PCDHGB2: variants seen among roughly 807,000 people sequenced by gnomAD.
The protein encoded by PCDHGB2 is protocadherin gamma subfamily B, 2, also known as protocadherin gamma-B2.
In PCDHGB2, 55 loss-of-function variants were observed where a neutral mutation model predicts 59.3. The observed-to-expected ratio is 0.93, with a 90% CI of 0.75 to 1.16. The LOEUF (loss-of-function observed/expected upper bound fraction) is 1.16. Among genes scored for constraint, PCDHGB2 ranks in the 50% most tolerant of loss-of-function variants. The pLI is 0.00. For synonymous variants in PCDHGB2, 516 were observed against 512.0 expected (o/e 1.01, Z -0.11); for missense variants, 1,228 against 1,198.5 (o/e 1.02, Z -0.36).
chr5:141,384,708 G>A (rs1222018997), intron 1 of PCDHGB2: 3 of 1,613,998 alleles, frequency 1.9e-6, no homozygotes, highest in Non-Finnish European at 2.5e-6. Flanking sequence ...AGAACGCCTG[G>A]CTGTCATACC....
At chr5:141,419,548 G>C in intron 1 of PCDHGB2, 1 of 1,611,976 alleles carries the variant, frequency 6.2e-7, no homozygotes, top group Non-Finnish European at 8.5e-7. Context: ...CGCGGGTGCT[G>C]TACCCTGCGC....
rs55729045 is a variant in PCDHGB2 at position 141,395,542 on chromosome 5, TTGTGTGTGTGTGTG to T, written c.2421+33022_2421+33035del. ...TCCATACTGGTAATTTTGCTATTGT[TTGTGTGTGTGTGTG>T]TGTGTGTGTGTGTGTGTGTGTGTGT... On this transcript the variant is annotated intron_variant, in intron 1 of 3. Transcript: ENST00000522605. The T allele has an allele frequency of 6.1e-4, 106 of 172,624 alleles. 1 individual carries two copies. Among genetic ancestry groups the T allele is most frequent in the South Asian group, 8.7e-4 (10 of 11,526 alleles). The allele number at this position is 172,624 out of a possible 1,614,324, so 10.7% of individuals were successfully genotyped here.
At chr5:141,463,296 C>T (rs1194250577) in intron 1 of PCDHGB2, among the ~76,000 whole-genome samples, 1 of 151,986 alleles carries the variant, frequency 6.6e-6, no homozygotes, top group African/African-American at 2.4e-5. Flanking sequence ...CTCCTAATCT[C>T]CCCAAACTCT....
At chr5:141,505,650 T>C (rs1595974645) in intron 3 of PCDHGB2, among the ~76,000 whole-genome samples, 169 bp downstream of exon 3, 1 of 152,094 alleles carries the variant, frequency 6.6e-6, no homozygotes, top group East Asian at 1.9e-4. Flanking sequence ...GAATTGTGGC[T>C]AAGGAACAGC....
intron 1 of PCDHGB2, chr5:141,398,523 A>T (rs988295276): frequency 6.2e-7 from 1 of 1,613,602 alleles, no homozygotes; most frequent in Non-Finnish European, 8.5e-7. Context: ...ACACGCCAAA[A>T]TTCACGCAAA....
Position 141,372,197 on chromosome 5 carries a change from C to T in PCDHGB2, c.2421+9641C>T, listed in dbSNP as rs57763341. 308 of 1,613,590 alleles carry T rather than the reference C, an allele frequency of 1.9e-4. No individual in the cohort carries two copies. The East Asian group carries it at 3.9e-3, about 20-fold the overall frequency. On this transcript the variant is annotated intron_variant, in intron 1 of 3. Transcript: ENST00000522605. ...CGGTGGACGCAGACTCGGGATACAA[C>T]GCCTGGCTGTCCTACCACATTGTGC... is the stretch of plus-strand genomic sequence containing the variant.
intron 1 of PCDHGB2, among the ~76,000 whole-genome samples, chr5:141,425,997 A>T (rs1365887915): frequency 6.6e-6 from 1 of 152,174 alleles, no homozygotes; most frequent in African/African-American, 2.4e-5. Context: ...GAATTAGCAA[A>T]GGCTTCCGGC....
intron 1 of PCDHGB2, among the ~76,000 whole-genome samples, chr5:141,466,292 T>C (rs1050311680): frequency 3.3e-5 from 5 of 152,134 alleles, no homozygotes; most frequent in Non-Finnish European, 5.9e-5. Context: ...CACCTCAGGC[T>C]CCCAAGTAGC....
chr5:141,413,218 A>C, intron 1 of PCDHGB2: 1 of 1,613,610 alleles, frequency 6.2e-7, no homozygotes, highest in Non-Finnish European at 8.5e-7. Context: ...AAAGGATTGC[A>C]GCGGGCTGGT....
Position 141,432,248 on chromosome 5 carries a change from C to T in PCDHGB2, c.2422-62559C>T. Reference sequence around the variant, plus strand: ...TTATTCCCTGGCTGAGAACACCATCCAAGGGGCAAGCCTATCGTCCTACGT... The same window carrying T: ...TTATTCCCTGGCTGAGAACACCATCTAAGGGGCAAGCCTATCGTCCTACGT... On this transcript the variant is annotated intron_variant, in intron 1 of 3. Transcript: ENST00000522605. This position sits in a 1 kb window ranked among gnomAD's most constrained non-coding sequence, Gnocchi z 6.0. 1.2e-6 allele frequency: 2 copies of T among 1,614,244 alleles called. No individual in the cohort carries two copies. Among genetic ancestry groups the T allele is most frequent in the South Asian group, 1.1e-5 (1 of 91,090 alleles).
rs1392644737 is a variant in PCDHGB2 at position 141,361,498 on chromosome 5, A to G, written c.1363A>G (p.Thr455Ala). ...VNDNAPVFQQ[T>A]SYMVHVAENN... ...CGATAATGCCCCAGTTTTCCAACAG[A>G]CTTCCTACATGGTTCACGTGGCAGA... The change falls in exon 1 of 4, where the codon ACT (threonine) becomes GCT (alanine). Residue 455 changes from threonine (T) to alanine (A), a missense_variant. By Grantham distance (58) the Thr-to-Ala change is moderately conservative. Around this residue, in one of 3 missense-constraint regions of PCDHGB2, gnomAD observed 781 missense variants for 721.6 expected, o/e 1.08. Coordinates refer to ENST00000522605, the MANE Select transcript of PCDHGB2 (RefSeq NM_018923.3). 2 of 1,613,948 alleles carry G rather than the reference A, an allele frequency of 1.2e-6. No individual in the cohort carries two copies. Among genetic ancestry groups the G allele is most frequent in the Admixed American group, 1.7e-5 (1 of 60,030 alleles).
rs1459105534 is a variant in PCDHGB2 at position 141,366,603 on chromosome 5, C to T, written c.2421+4047C>T. 5 of 1,614,108 alleles carry T rather than the reference C, an allele frequency of 3.1e-6. No homozygotes were observed. The Admixed American group carries it at 8.3e-5, about 27-fold the overall frequency. ...CTGCAGACCTATTCCCACGAGGTCT[C>T]CCTCACCGCGGACTCGAGGAAGAGT... is the stretch of plus-strand genomic sequence containing the variant. On this transcript the variant is annotated intron_variant, in intron 1 of 3. Transcript: ENST00000522605.
rs1385496143 is a variant in PCDHGB2, at chr5:141,361,418, G to A, written c.1283G>A (p.Gly428Asp). The change falls in exon 1 of 4, where the codon GGC becomes GAC. Residue 428 changes from glycine (G) to aspartate (D), a missense_variant. Physicochemically the swap from Gly to Asp is moderately conservative, Grantham distance 94. Around this residue, in one of 3 missense-constraint regions of PCDHGB2, gnomAD observed 781 missense variants for 721.6 expected, o/e 1.08. Coordinates refer to ENST00000522605, the MANE Select transcript of PCDHGB2 (RefSeq NM_018923.3). ...YNLTITATDG[G>D]KPPLSSSIIV... ...CTCACCATCACAGCCACCGACGGGG[G>A]CAAGCCGCCCCTCTCCTCCAGCATA... The A allele has an allele frequency of 3.7e-6, 6 of 1,614,036 alleles. No individual in the cohort carries two copies. Among genetic ancestry groups the A allele is most frequent in the Non-Finnish European group, 5.1e-6 (6 of 1,179,900 alleles).
chr5:141,405,187 GGTTCGAGCTT>G (rs2094622612), intron 1 of PCDHGB2: 1 of 1,613,360 alleles, frequency 6.2e-7, no homozygotes, highest in African/African-American at 1.3e-5. Context: ...GTGTAGATGG[GGTTCGAGCTT>G]TCCTACAGAC....
Position 141,361,163 on chromosome 5 carries a change from G to A in PCDHGB2, c.1028G>A (p.Cys343Tyr), listed in dbSNP as rs1176062621. The change falls in exon 1 of 4, where the codon TGT becomes TAT. Residue 343 changes from cysteine (C) to tyrosine (Y), a missense_variant. Cys to Tyr is a radical substitution (Grantham distance 194, BLOSUM62 -2). This residue lies in a region of PCDHGB2 where 781 missense variants were observed against 721.6 expected (regional missense o/e 1.08). Transcript: ENST00000522605. ...IQVEILDDND[C>Y]APEVIVTSVS... ...GTTGAAATTCTTGATGACAACGATT[G>A]TGCACCTGAAGTTATTGTGACTTCA... 1.2e-6 allele frequency: 2 copies of A among 1,613,940 alleles called. No homozygotes were observed. Among genetic ancestry groups the A allele is most frequent in the Middle Eastern group, 1.6e-4 (1 of 6,062 alleles).
intron 1 of PCDHGB2, chr5:141,415,377 C>T (rs774655293): frequency 1.2e-6 from 2 of 1,614,118 alleles, no homozygotes; most frequent in African/African-American, 2.7e-5. Flanking sequence ...CTTCAGGAGG[C>T]GGCTTGACAG....
At chr5:141,443,442 C>T (rs571341362) in intron 1 of PCDHGB2, among the ~76,000 whole-genome samples, 9 of 152,202 alleles carry the variant, frequency 5.9e-5, no homozygotes, top group East Asian at 1.9e-4. Context: ...GCTGTGGTTG[C>T]GCTCCTGTAC....
In PCDHGB2 at chr5:141,511,070, G is replaced by A. The variant is rs1341623011; in HGVS notation, c.2693G>A (p.Gly898Asp). ...PDYRQNVYIP[G>D]SNATLTNAAG... ...TACCGCCAGAATGTCTACATCCCAG[G>A]CAGCAATGCCACACTGACCAACGCA... The change falls in exon 4 of 4, where the codon GGC (glycine) becomes GAC (aspartate). Residue 898 changes from glycine to aspartate, a missense_variant. Physicochemically the swap from Gly to Asp is moderately conservative, Grantham distance 94 (BLOSUM62 -1). Transcript: ENST00000522605. 2.5e-6 allele frequency: 4 copies of A among 1,614,218 alleles called. No homozygotes were observed. Among genetic ancestry groups the A allele is most frequent in the Admixed American group, 1.7e-5 (1 of 60,030 alleles).
intron 1 of PCDHGB2, chr5:141,408,084 G>A (rs564149257): frequency 7.5e-5 from 106 of 1,418,874 alleles, no homozygotes; most frequent in Middle Eastern, 2.5e-4. Context: ...CCAGCACAGC[G>A]GATTGCCAGC....
Sources: gnomAD v4.1 joint callset for allele counts (sites outside exome capture counted in the v4.1 genomes callset) on GRCh38, gnomAD v4.1.1 for gene constraint, gnomAD v4.1.1 regional missense constraint, Gnocchi (gnomAD v3.1) non-coding constraint, MANE v1.5 for transcripts, NCBI Gene and HGNC (gene_info 2026-07-23, HGNC 2026-07-21) for gene names.